ZNF677: variants seen among roughly 807,000 people sequenced by gnomAD.
ZNF677 encodes the protein zinc finger protein 677.
ZNF677 carries 5 observed loss-of-function variants against 8.1 expected under a neutral mutation model. The ratio of observed to expected loss-of-function variants is 0.62; its 90% confidence interval spans 0.32 to 1.29. The LOEUF (loss-of-function observed/expected upper bound fraction) is 1.29. ZNF677 is among the 50% of genes most tolerant of loss of function. The pLI is 0.05. For synonymous variants in ZNF677, 221 were observed against 225.6 expected (o/e 0.98, Z 0.18); for missense variants, 685 against 685.9 (o/e 1.00, Z 0.01).
chr19:53,244,362 C>A (rs1313249109), intron 3 of ZNF677, among the ~76,000 whole-genome samples: 1 of 152,132 alleles, frequency 6.6e-6, no homozygotes, highest in African/African-American at 2.4e-5. Flanking sequence ...GACTTCACCT[C>A]AAAATAAAAC....
rs1006405433 is a variant in ZNF677, at chr19:53,236,006, T to C, written c.*966A>G. 6.6e-6 allele frequency: 1 copy of C among 152,162 alleles called. No individual in the cohort carries two copies. The highest frequency in any genetic ancestry group is 1.5e-5 in the Non-Finnish European group (1 of 68,068). 9.4% of individuals were successfully genotyped at this position (152,162 alleles called of 1,614,324 possible). On this transcript the variant is annotated 3_prime_UTR_variant, in exon 5 of 5. Transcript: ENST00000598513. ...GAGTTCAAGATCAGCCTGGCCAACA[T>C]GGCGAAACTCTGTCTCTACTAAAAA...
intron 4 of ZNF677, chr19:53,240,711 C>G (rs987306760): frequency 6.6e-6 from 1 of 152,108 alleles, no homozygotes; most frequent in Non-Finnish European, 1.5e-5. Context: ...ACAGACAGAG[C>G]ACAGATTTTT....
intron 4 of ZNF677, chr19:53,242,281 T>C (rs1172771682): frequency 2.5e-6 from 1 of 398,406 alleles, no homozygotes; most frequent in Non-Finnish European, 4.4e-6. Context: ...TAGAAGAATA[T>C]GGAATCAGGA....
In ZNF677 at chr19:53,247,601, C is replaced by A. The variant is rs1322021955; in HGVS notation, c.16-3704G>T. Reference sequence around the variant, plus strand: ...AAACAGAGAGCATAGAATTCTCCAACTATTATAGCAGGACTGTATCTCCTT... The same window carrying A: ...AAACAGAGAGCATAGAATTCTCCAAATATTATAGCAGGACTGTATCTCCTT... On this transcript the variant is annotated intron_variant, in intron 3 of 4. Transcript: ENST00000598513. Among the ~76,000 whole-genome samples, 4 of 152,164 alleles carry A rather than the reference C, an allele frequency of 2.6e-5. No individual in the cohort carries two copies. In the East Asian group the frequency reaches 5.8e-4, roughly 22 times the overall value.
intron 4 of ZNF677, chr19:53,243,524 A>G (rs2091087674): frequency 3.4e-6 from 2 of 590,102 alleles, no homozygotes; most frequent in Non-Finnish European, 5.9e-6. Flanking sequence ...TTTTGTAAGT[A>G]CTGATATTCT....
intron 3 of ZNF677, chr19:53,249,560 A>C (rs949752697): frequency 2.0e-5 from 3 of 152,254 alleles, no homozygotes; most frequent in Admixed American, 2.0e-4. Flanking sequence ...AATATTCACT[A>C]AACATTTTCT....
Position 53,238,650 on chromosome 19 carries a change from T to A in ZNF677, c.170-93A>T, listed in dbSNP as rs1420256701. 3 of 1,226,086 alleles carry A rather than the reference T, an allele frequency of 2.4e-6. No homozygotes were observed. In the Admixed American group the frequency reaches 8.4e-5, roughly 34 times the overall value. The allele number at this position is 1,226,086 out of a possible 1,614,324, so 76.0% of individuals were successfully genotyped here. A position where few individuals can be genotyped will look rare whatever the true frequency, so the allele number is the denominator to read the frequency against. On this transcript the variant is annotated intron_variant, in intron 4 of 4. Transcript: ENST00000598513. ...ATACATATTACAAGAAAGCTAAGATTTACAATGAACAGAGTTATGAAGCTT... is the reference window on the plus strand; with the variant it reads ...ATACATATTACAAGAAAGCTAAGATATACAATGAACAGAGTTATGAAGCTT...
chr19:53,240,073 C>T (rs2091024721), intron 4 of ZNF677: 1 of 152,182 alleles, frequency 6.6e-6, no homozygotes, highest in Admixed American at 6.5e-5. Flanking sequence ...ATTTAAGTCA[C>T]CTTATCTTGC....
intron 4 of ZNF677, 101 bp downstream of exon 4, chr19:53,243,643 T>G: frequency 6.6e-7 from 1 of 1,519,662 alleles, no homozygotes; most frequent in South Asian, 1.2e-5. Context: ...TCAAAAAGTT[T>G]CAATCTCCCC....
rs141372242 is a variant in ZNF677 at position 53,237,655 on chromosome 19, G to A, written c.1072C>T (p.Gln358Ter). Residue 358 changes from glutamine (Q) to a stop codon, truncating the protein, a stop_gained, in exon 5 of 5, where the codon CAG becomes TAG. Coordinates refer to ENST00000598513, the MANE Select transcript of ZNF677 (RefSeq NM_182609.4). LOFTEE classifies it low-confidence loss of function (END_TRUNC). ...KCNECGKAFI[Q>*]RSHLWGHERI... Reference sequence around the variant, plus strand: ...TCATGACCCCAAAGGTGTGAACGCTGGATAAATGCCTTACCACATTCATTA... The same window carrying A: ...TCATGACCCCAAAGGTGTGAACGCTAGATAAATGCCTTACCACATTCATTA... 1 of 1,612,828 alleles carries A rather than the reference G, an allele frequency of 6.2e-7. No homozygotes were observed. Among genetic ancestry groups the A allele is most frequent in the Non-Finnish European group, 8.5e-7 (1 of 1,179,482 alleles).
chr19:53,248,971 G>T (rs1324729209), intron 3 of ZNF677, among the ~76,000 whole-genome samples: 3 of 151,866 alleles, frequency 2.0e-5, no homozygotes, highest in Non-Finnish European at 4.4e-5. Flanking sequence ...TTCTTATATT[G>T]TATTTTTCTT....
chr19:53,240,831 G>A (rs1346019189), intron 4 of ZNF677: 1 of 151,946 alleles, frequency 6.6e-6, no homozygotes, highest in African/African-American at 2.4e-5. Flanking sequence ...ATCGACTATG[G>A]ACTTTGGGTG....
rs1456107567 is a variant in ZNF677 at position 53,237,128 on chromosome 19, G to T, written c.1599C>A (p.His533Gln). Residue 533 changes from histidine to glutamine, a missense_variant, in exon 5 of 5, where the codon CAC (histidine) becomes CAA (glutamine). Transcript: ENST00000598513. ...GTTTCTTTTCAATGTGTATTTTCTG[G>T]TGTCTAGTGAGGTTTGCAAATTGGG... is the stretch of plus-strand genomic sequence containing the variant. ...AFTQFANLTRHQKIHIEKKHC... is the reference protein window; with the variant it reads ...AFTQFANLTRQQKIHIEKKHC... The T allele has an allele frequency of 8.1e-6, 13 of 1,613,642 alleles. No individual in the cohort carries two copies. Among genetic ancestry groups the T allele is most frequent in the Non-Finnish European group, 1.1e-5 (13 of 1,179,908 alleles).
intron 3 of ZNF677, among the ~76,000 whole-genome samples, chr19:53,247,604 T>C (rs905113173): frequency 1.7e-4 from 26 of 152,204 alleles, no homozygotes; most frequent in Admixed American, 1.5e-3. Flanking sequence ...TCTCCAACTA[T>C]TATAGCAGGA....
At chr19:53,248,371 TG>T (rs900170478) in intron 3 of ZNF677, among the ~76,000 whole-genome samples, 11 of 152,358 alleles carry the variant, frequency 7.2e-5, no homozygotes, top group African/African-American at 2.6e-4. Flanking sequence ...CCAGTAATAT[TG>T]GCTTTTGTAT....
At chr19:53,247,076 G>A (rs1440104091) in intron 3 of ZNF677, among the ~76,000 whole-genome samples, 1 of 152,092 alleles carries the variant, frequency 6.6e-6, no homozygotes, top group Non-Finnish European at 1.5e-5. Context: ...GAATTTTTCA[G>A]TTTTCCTTTT....
intron 3 of ZNF677, among the ~76,000 whole-genome samples, chr19:53,245,249 A>G (rs2914377): frequency 0.44 from 66,414 of 151,986 alleles, 14,978 homozygotes; most frequent in East Asian, 0.75. Flanking sequence ...CACCAAAAGC[A>G]CAGGCAAGAA....
intron 1 of ZNF677, 48 bp from the exon 2 acceptor site, chr19:53,253,204 T>C (rs921276228): frequency 6.6e-6 from 1 of 151,924 alleles, no homozygotes; most frequent in East Asian, 1.9e-4. Flanking sequence ...GTGTCAGGAG[T>C]GGCAGGGGTA....
chr19:53,244,058 T>C, intron 3 of ZNF677, 161 bp from the exon 4 acceptor site: 1 of 666,568 alleles, frequency 1.5e-6, no homozygotes, highest in East Asian at 3.0e-5. Flanking sequence ...TGAAATTACA[T>C]AACATAAAAT....
Sources: gnomAD v4.1 joint callset for allele counts (sites outside exome capture counted in the v4.1 genomes callset) on GRCh38, gnomAD v4.1.1 for gene constraint, MANE v1.5 for transcripts, NCBI Gene and HGNC (gene_info 2026-07-23, HGNC 2026-07-21) for gene names.